Variants in SNAPC3 observed in about 807,000 individuals in gnomAD.
SNAPC3 encodes small nuclear RNA activating complex polypeptide 3.
In SNAPC3, 56 loss-of-function variants were observed where a neutral mutation model predicts 47.7. That is an observed-to-expected ratio of 1.18 (90% confidence interval 0.95 to 1.47). The LOEUF (loss-of-function observed/expected upper bound fraction) is 1.47, where lower values mean the gene tolerates loss of function less well. Among genes scored for constraint, SNAPC3 ranks in the 40% most tolerant of loss-of-function variants. The pLI, the probability that SNAPC3 is intolerant of heterozygous loss-of-function variation, is 0.00. For missense variants in SNAPC3, 665 were observed against 511.3 expected, an observed-to-expected ratio of 1.30 and a Z score of -2.90; for synonymous variants, 235 against 189.9, an observed-to-expected ratio of 1.24 and a Z score of -1.95.
At position 15,457,891 on chromosome 9, in the gene SNAPC3, T is replaced by C. The variant is rs539672509; in HGVS notation, c.981-69T>C. On this transcript the variant is annotated intron_variant, in intron 7 of 8. Transcript: ENST00000380821. ...CCTAATACTCAGGCACAGATATATT[T>C]AATAGCTCATAAAAATTTGTCACTT... 13 of 860,278 alleles carry C rather than the reference T, an allele frequency of 1.5e-5. No individual in the cohort carries two copies. The African/African-American group carries it at 2.1e-4, about 14-fold the overall frequency. 53.3% of individuals were successfully genotyped at this position (860,278 alleles called of 1,614,324 possible). A position where few individuals can be genotyped will look rare whatever the true frequency, so the allele number is the denominator to read the frequency against.
chr9:15,451,970 T>TA (rs55822827), intron 6 of SNAPC3, among the ~76,000 whole-genome samples: 14 of 150,268 alleles, frequency 9.3e-5, no homozygotes, highest in African/African-American at 2.9e-4. Context: ...TTGCCCTTTT[T>TA]AAAAAAAAAA....
chr9:15,435,658 G>A (rs2032708240), intron 3 of SNAPC3, among the ~76,000 whole-genome samples: 1 of 151,592 alleles, frequency 6.6e-6, no homozygotes, highest in Non-Finnish European at 1.5e-5. Flanking sequence ...GAACCCAGGA[G>A]GTGGAGGTTG....
At chr9:15,455,885 T>G (rs2034749966) in intron 7 of SNAPC3, among the ~76,000 whole-genome samples, 1 of 151,412 alleles carries the variant, frequency 6.6e-6, no homozygotes, top group Non-Finnish European at 1.5e-5. Flanking sequence ...TATTTATTTA[T>G]TTTTTTGAGA....
chr9:15,435,917 C>G (rs936087888), intron 3 of SNAPC3, among the ~76,000 whole-genome samples: 3 of 140,598 alleles, frequency 2.1e-5, no homozygotes, highest in Admixed American at 1.5e-4. Context: ...AATCTTAGCT[C>G]ACTGCAACCT....
intron 3 of SNAPC3, among the ~76,000 whole-genome samples, chr9:15,438,668 G>C (rs888110455): frequency 2.6e-5 from 4 of 151,968 alleles, no homozygotes; most frequent in Non-Finnish European, 5.9e-5. Context: ...CCACATACTT[G>C]TGAATTTTCC....
chr9:15,465,603 C>T, downstream of SNAPC3: 1 of 1,528,936 alleles, frequency 6.5e-7, no homozygotes, highest in Non-Finnish European at 9.0e-7. Context: ...GGGAAAGGTA[C>T]AACTGGAATT....
intron 2 of SNAPC3, among the ~76,000 whole-genome samples, chr9:15,433,084 A>T (rs1412430094): frequency 1.3e-5 from 2 of 152,222 alleles, no homozygotes; most frequent in Non-Finnish European, 2.9e-5. Context: ...TGCTAAATTT[A>T]TTCCTATCAT....
chr9:15,428,127 A>C (rs915805164), intron 2 of SNAPC3, among the ~76,000 whole-genome samples: 4 of 151,166 alleles, frequency 2.6e-5, no homozygotes, highest in Non-Finnish European at 4.4e-5. Context: ...AAAAAAAAAA[A>C]AAAAAACTGT....
chr9:15,444,338 G>T (rs1370040277), intron 3 of SNAPC3, among the ~76,000 whole-genome samples: 1 of 152,200 alleles, frequency 6.6e-6, no homozygotes. Flanking sequence ...CTCATCAACT[G>T]CTAAGTACTC....
chr9:15,452,233 C>T (rs1018534402), intron 6 of SNAPC3, among the ~76,000 whole-genome samples: 4 of 151,988 alleles, frequency 2.6e-5, no homozygotes, highest in African/African-American at 7.2e-5. Context: ...AAACTGCTAA[C>T]GTTACAGGTG....
At chr9:15,440,107 C>CTT (rs1238789344) in intron 3 of SNAPC3, among the ~76,000 whole-genome samples, 1 of 152,120 alleles carries the variant, frequency 6.6e-6, no homozygotes, top group Non-Finnish European at 1.5e-5. Flanking sequence ...CAGATTATGT[C>CTT]TTTATATATT....
At chr9:15,435,715 G>A (rs2032714603) in intron 3 of SNAPC3, among the ~76,000 whole-genome samples, 1 of 147,116 alleles carries the variant, frequency 6.8e-6, no homozygotes, top group South Asian at 2.1e-4. Context: ...GGCAACAGGA[G>A]TGAAACTCTG....
At chr9:15,434,149 A>G (rs1022964030) in intron 3 of SNAPC3, among the ~76,000 whole-genome samples, 2 of 152,208 alleles carry the variant, frequency 1.3e-5, no homozygotes, top group Non-Finnish European at 1.5e-5. Context: ...TAAAATTTAC[A>G]TAACATAAAA....
intron 4 of SNAPC3, among the ~76,000 whole-genome samples, chr9:15,446,683 CCA>C (rs1563849532): frequency 2.0e-5 from 3 of 152,098 alleles, no homozygotes; most frequent in African/African-American, 7.2e-5. Flanking sequence ...AAGGCATAGA[CCA>C]CAGTTTTTAT....
intron 3 of SNAPC3, among the ~76,000 whole-genome samples, chr9:15,438,305 C>T (rs544871877): frequency 4.0e-5 from 6 of 151,896 alleles, no homozygotes; most frequent in Non-Finnish European, 8.8e-5. Flanking sequence ...CCTTTTTTTC[C>T]TGTAAAATCA....
intron 3 of SNAPC3, among the ~76,000 whole-genome samples, chr9:15,435,660 T>A (rs185655322): frequency 2.1e-3 from 310 of 147,186 alleles, no homozygotes; most frequent in African/African-American, 6.2e-3. Context: ...ACCCAGGAGG[T>A]GGAGGTTGCA....
In SNAPC3 at chr9:15,437,727, C is replaced by A. The variant is rs191873297; in HGVS notation, c.477+4091C>A. On this transcript the variant is annotated intron_variant, in intron 3 of 8. Coordinates refer to ENST00000380821, the MANE Select transcript of SNAPC3 (RefSeq NM_001039697.2). ...GCATTTTGAGGATAAATAAATTCCA[C>A]TTGGTTGTGGGATTCAATAAAAATT... is the stretch of plus-strand genomic sequence containing the variant. Among the ~76,000 whole-genome samples the A allele has an allele frequency of 8.3e-4, 125 of 150,754 alleles. 1 individual carries two copies. Among genetic ancestry groups the A allele is most frequent in the African/African-American group, 3.0e-3 (121 of 40,902 alleles).
chr9:15,438,207 A>G (rs1157098815), intron 3 of SNAPC3, among the ~76,000 whole-genome samples: 8 of 152,064 alleles, frequency 5.3e-5, no homozygotes, highest in Non-Finnish European at 1.2e-4. Flanking sequence ...ATCAGTTTTG[A>G]TAGTTTGTAT....
rs147810880 is a variant in SNAPC3, at chr9:15,429,732, C to A, written c.393-3820C>A. Among the ~76,000 whole-genome samples the A allele has an allele frequency of 6.6e-5, 10 of 152,154 alleles. No homozygotes were observed. In the East Asian group the frequency reaches 1.9e-3, roughly 29 times the overall value. ...GAAAAACAGCTATTACAACAAAATACAAATAATTAGAAAATATTGTGATAG... is the reference window on the plus strand; with the variant it reads ...GAAAAACAGCTATTACAACAAAATAAAAATAATTAGAAAATATTGTGATAG... On this transcript the variant is annotated intron_variant, in intron 2 of 8. Coordinates refer to ENST00000380821, the MANE Select transcript of SNAPC3 (RefSeq NM_001039697.2).
Sources: allele counts gnomAD v4.1 joint callset (sites outside exome capture counted in the v4.1 genomes callset), GRCh38; gene constraint gnomAD v4.1.1; transcripts MANE v1.5; gene names NCBI Gene and HGNC (gene_info 2026-07-23, HGNC 2026-07-21).